The following ATXN10 variants were observed in gnomAD, a reference collection of about 807,000 sequenced individuals.
ATXN10 encodes ataxin 10.
A neutral mutation model predicts 52.9 loss-of-function variants in ATXN10; 28 were observed. That is an observed-to-expected ratio of 0.53 (90% CI 0.39 to 0.73). ATXN10 has a LOEUF of 0.73. ATXN10 is among the 30% of genes least tolerant of loss of function. ATXN10 has a pLI of 0.00. For missense variants in ATXN10, 565 were observed against 577.0 expected, an observed-to-expected ratio of 0.98 and a Z score of 0.21; for synonymous variants, 226 against 221.5, an observed-to-expected ratio of 1.02 and a Z score of -0.18.
intron 5 of ATXN10, among the ~76,000 whole-genome samples, chr22:45,711,521 T>G (rs1032034752): frequency 1.3e-5 from 2 of 152,088 alleles, no homozygotes; most frequent in Non-Finnish European, 2.9e-5. Flanking sequence ...AAGGCACAAG[T>G]TAACCTGGGA....
chr22:45,679,586 A>G (rs558664700), intron 1 of ATXN10: 1 of 152,344 alleles, frequency 6.6e-6, no homozygotes, highest in Admixed American at 6.5e-5. Flanking sequence ...GTCTTTAACT[A>G]CACCAAAACA....
intron 3 of ATXN10, among the ~76,000 whole-genome samples, chr22:45,697,934 G>A (rs1392510283): frequency 6.6e-6 from 1 of 152,126 alleles, no homozygotes; most frequent in African/African-American, 2.4e-5. Flanking sequence ...CTGGCCTTTA[G>A]CATAATGTTT....
At chr22:45,834,453 C>T (rs889090109) in intron 10 of ATXN10, among the ~76,000 whole-genome samples, 9 of 152,252 alleles carry the variant, frequency 5.9e-5, no homozygotes, top group East Asian at 1.9e-4. Context: ...GGCAGTGTCC[C>T]GGGTTGTGTG....
intron 9 of ATXN10, among the ~76,000 whole-genome samples, chr22:45,745,659 A>G (rs1452292583): frequency 6.6e-6 from 1 of 152,228 alleles, no homozygotes; most frequent in Non-Finnish European, 1.5e-5. Context: ...TAATCTTTGT[A>G]ATACATTTTT....
chr22:45,712,007 A>C lies in ATXN10; in HGVS notation c.648-6406A>C, dbSNP rs1336923513. Among the ~76,000 whole-genome samples, 1 of 152,238 alleles carries C rather than the reference A, an allele frequency of 6.6e-6. No homozygotes were observed. Among genetic ancestry groups the C allele is most frequent in the Non-Finnish European group, 1.5e-5 (1 of 68,046 alleles). ...TGGAATACTTTAGAATATAAAAAAA[A>C]GTTTCTTCTGTAAACATTGACTGGC... On this transcript the variant is annotated intron_variant, in intron 5 of 11. Coordinates refer to ENST00000252934, the MANE Select transcript of ATXN10 (RefSeq NM_013236.4). This position sits in a 1 kb window ranked among gnomAD's most constrained non-coding sequence, Gnocchi z 4.6.
chr22:45,788,873 T>G (rs1012115783), intron 9 of ATXN10, among the ~76,000 whole-genome samples: 1 of 152,056 alleles, frequency 6.6e-6, no homozygotes, highest in Admixed American at 6.5e-5. Context: ...GGTCTCGAAT[T>G]TGTGACCTCA....
At chr22:45,768,202 T>G (rs145192205) in intron 9 of ATXN10, among the ~76,000 whole-genome samples, 190 of 152,290 alleles carry the variant, frequency 1.2e-3, no homozygotes, top group Admixed American at 4.3e-3. Context: ...ACCATTTTTC[T>G]CTATAAGGAA....
At chr22:45,767,041 G>A (rs1460732620) in intron 9 of ATXN10, among the ~76,000 whole-genome samples, 1 of 152,180 alleles carries the variant, frequency 6.6e-6, no homozygotes. Context: ...AAATGGAGCC[G>A]TCTTCGTAGA....
intron 9 of ATXN10, chr22:45,792,839 C>T (rs1027449221): frequency 5.9e-5 from 31 of 524,262 alleles, no homozygotes; most frequent in South Asian, 4.4e-4. Flanking sequence ...GAGTCATTGG[C>T]TTTGGTGAAA....
chr22:45,676,859 A>C (rs777204886), intron 1 of ATXN10: 2 of 152,436 alleles, frequency 1.3e-5, no homozygotes, highest in Non-Finnish European at 2.9e-5. Context: ...AGTTCACTGC[A>C]TCCTCGACTT....
At chr22:45,676,679 A>T (rs1922706028) in intron 1 of ATXN10, 1 of 152,066 alleles carries the variant, frequency 6.6e-6, no homozygotes, top group Admixed American at 6.5e-5. Context: ...GGGTTTCTCC[A>T]CGTTGGTCAG....
chr22:45,723,452 G>A (rs555586104), intron 6 of ATXN10, among the ~76,000 whole-genome samples: 7 of 151,588 alleles, frequency 4.6e-5, no homozygotes, highest in Admixed American at 1.3e-4. Context: ...TGGTGAAGTC[G>A]GCGATTTTAG....
chr22:45,730,514 A>G (rs1163826653), intron 7 of ATXN10, among the ~76,000 whole-genome samples: 1 of 152,070 alleles, frequency 6.6e-6, no homozygotes, highest in East Asian at 1.9e-4. Flanking sequence ...ACTCACTGCA[A>G]CCTCTGCCTC....
At chr22:45,814,560 A>G (rs1250961173) in intron 10 of ATXN10, among the ~76,000 whole-genome samples, 3 of 152,240 alleles carry the variant, frequency 2.0e-5, no homozygotes, top group Non-Finnish European at 4.4e-5. Flanking sequence ...TTGGTTGGGA[A>G]TGTCTGCTAA....
At chr22:45,767,620 G>T (rs1013177938) in intron 9 of ATXN10, among the ~76,000 whole-genome samples, 2 of 151,726 alleles carry the variant, frequency 1.3e-5, no homozygotes, top group Non-Finnish European at 2.9e-5. Flanking sequence ...TTGAAATCAG[G>T]TATATGTTTT....
intron 3 of ATXN10, among the ~76,000 whole-genome samples, chr22:45,693,420 G>A (rs1923462934): frequency 6.6e-6 from 1 of 152,108 alleles, no homozygotes; most frequent in Admixed American, 6.5e-5. Context: ...GTGTTTTGCG[G>A]GGGCTGCTCT....
chr22:45,766,693 G>A lies in ATXN10; in HGVS notation c.1173+26155G>A, dbSNP rs1472001877. On this transcript the variant is annotated intron_variant, in intron 9 of 11. Coordinates refer to ENST00000252934, the MANE Select transcript of ATXN10 (RefSeq NM_013236.4). The surrounding 1 kb of genome is among the most constrained non-coding windows in gnomAD (Gnocchi z 4.6). ...ATAAATTTAAGTACATTTTTAAAAAGTTGGATGACAAGAAGCAAATAAGCA... is the reference window on the plus strand; with the variant it reads ...ATAAATTTAAGTACATTTTTAAAAAATTGGATGACAAGAAGCAAATAAGCA... 2.0e-5 allele frequency among the ~76,000 whole-genome samples: 3 copies of A among 149,912 alleles called. No individual in the cohort carries two copies. Among genetic ancestry groups the A allele is most frequent in the African/African-American group, 7.6e-5 (3 of 39,294 alleles).
chr22:45,672,257 A>G (rs892537275), intron 1 of ATXN10, 78 bp downstream of exon 1: 404 of 1,268,908 alleles, frequency 3.2e-4, no homozygotes, highest in Non-Finnish European at 3.8e-4. Context: ...GCCTGGACCC[A>G]GGCGCCGCCC....
chr22:45,699,665 T>C (rs1027839177), intron 3 of ATXN10, among the ~76,000 whole-genome samples: 1 of 151,508 alleles, frequency 6.6e-6, no homozygotes, highest in Non-Finnish European at 1.5e-5. Context: ...CTAATTTTTG[T>C]GTTTTCAGTA....
Sources: allele counts gnomAD v4.1 joint callset (sites outside exome capture counted in the v4.1 genomes callset), GRCh38; gene constraint gnomAD v4.1.1; non-coding constraint Gnocchi (gnomAD v3.1); transcripts MANE v1.5; gene names NCBI Gene and HGNC (gene_info 2026-07-23, HGNC 2026-07-21).